Variants in BNC2 observed in about 807,000 individuals in gnomAD.
BNC2 encodes the protein basonuclin zinc finger protein 2, also known as zinc finger protein basonuclin-2.
In BNC2, 20 loss-of-function variants were observed where a neutral mutation model predicts 76.3. The ratio of observed to expected loss-of-function variants is 0.26; its 90% CI spans 0.18 to 0.38. The LOEUF (loss-of-function observed/expected upper bound fraction) is 0.38. Ranked by LOEUF, BNC2 falls within the 10% of genes least tolerant of loss-of-function variation. The pLI is 1.00. For synonymous variants in BNC2, 582 were observed against 514.8 expected (o/e 1.13, Z -1.77); for missense variants, 1,382 against 1,399.8 (o/e 0.99, Z 0.20).
chr9:16,713,363 A>C (rs1237479455), intron 3 of BNC2, among the ~76,000 whole-genome samples: 3 of 152,166 alleles, frequency 2.0e-5, no homozygotes, highest in Non-Finnish European at 2.9e-5. Context: ...AGGGGGCAGA[A>C]ACAACGGGTA....
At chr9:16,452,938 C>A (rs1587044383) in intron 5 of BNC2, among the ~76,000 whole-genome samples, 1 of 152,062 alleles carries the variant, frequency 6.6e-6, no homozygotes, top group East Asian at 1.9e-4. Flanking sequence ...ATCAGTTGCT[C>A]AAAAAGAACT....
chr9:16,596,496 T>C (rs900086646), intron 3 of BNC2, among the ~76,000 whole-genome samples: 1 of 152,184 alleles, frequency 6.6e-6, no homozygotes, highest in Non-Finnish European at 1.5e-5. Context: ...ATTCGTATTT[T>C]ATTTTTACCT....
At chr9:16,736,896 T>A (rs1329414195) in intron 2 of BNC2, among the ~76,000 whole-genome samples, 1 of 151,966 alleles carries the variant, frequency 6.6e-6, no homozygotes, top group Non-Finnish European at 1.5e-5. Flanking sequence ...AATCTCCGCC[T>A]CCCAGATTCA....
intron 3 of BNC2, among the ~76,000 whole-genome samples, chr9:16,618,104 A>T (rs1390868079): frequency 6.6e-6 from 1 of 152,186 alleles, no homozygotes; most frequent in Non-Finnish European, 1.5e-5. Context: ...TAACAATGCC[A>T]TCAATAATCC....
chr9:16,639,397 T>C (rs1019647425), intron 3 of BNC2, among the ~76,000 whole-genome samples: 3 of 152,232 alleles, frequency 2.0e-5, no homozygotes, highest in Non-Finnish European at 4.4e-5. Context: ...TTTGTTTCTG[T>C]AGACATAGGT....
chr9:16,563,210 T>TA (rs35790717), intron 4 of BNC2, among the ~76,000 whole-genome samples: 69 of 151,710 alleles, frequency 4.5e-4, no homozygotes, highest in Non-Finnish European at 8.0e-4. Context: ...AGCATTTTGT[T>TA]AAAAAAAAAT....
intron 4 of BNC2, among the ~76,000 whole-genome samples, chr9:16,554,579 C>G (rs376554880): frequency 1.3e-5 from 2 of 152,286 alleles, no homozygotes; most frequent in East Asian, 1.9e-4. Flanking sequence ...AAGGGCTTCA[C>G]AAGCCTAGGG....
intron 1 of BNC2, among the ~76,000 whole-genome samples, chr9:16,740,332 A>G (rs1824804314): frequency 6.6e-6 from 1 of 152,230 alleles, no homozygotes; most frequent in Admixed American, 6.5e-5. Context: ...AAAGGCAGAT[A>G]GGGAGATTGA....
intron 5 of BNC2, chr9:16,475,950 CTAATT>C (rs1018882594): frequency 9.9e-5 from 15 of 152,178 alleles, no homozygotes; most frequent in Non-Finnish European, 2.1e-4. Context: ...ACACATGCTC[CTAATT>C]TAATTTAATC....
intron 1 of BNC2, among the ~76,000 whole-genome samples, chr9:16,771,230 C>A (rs1825823788): frequency 6.6e-6 from 1 of 152,162 alleles, no homozygotes; most frequent in African/African-American, 2.4e-5. Flanking sequence ...TATCTGTCCT[C>A]AGGACAAGAG....
intron 2 of BNC2, among the ~76,000 whole-genome samples, chr9:16,735,685 AG>A (rs1306937056): frequency 6.6e-6 from 1 of 151,606 alleles, no homozygotes; most frequent in African/African-American, 2.4e-5. Context: ...TTTGGTAGAG[AG>A]GGGGTTTCAC....
intron 4 of BNC2, among the ~76,000 whole-genome samples, chr9:16,553,202 A>G (rs576671447): frequency 3.3e-5 from 5 of 152,322 alleles, no homozygotes; most frequent in African/African-American, 1.2e-4. Context: ...CTCAGTGAAT[A>G]TCACTTTTCT....
intron 1 of BNC2, among the ~76,000 whole-genome samples, chr9:16,745,695 T>C (rs1006022870): frequency 7.2e-5 from 11 of 152,326 alleles, no homozygotes; most frequent in Admixed American, 2.0e-4. Flanking sequence ...TGTTTTCTAT[T>C]ATGCCTGTCT....
At chr9:16,614,774 C>G (rs967244308) in intron 3 of BNC2, among the ~76,000 whole-genome samples, 5 of 151,744 alleles carry the variant, frequency 3.3e-5, no homozygotes, top group African/African-American at 9.7e-5. Flanking sequence ...CAGGGAAGCC[C>G]TGTCTCTACA....
intron 4 of BNC2, among the ~76,000 whole-genome samples, chr9:16,560,768 T>C (rs1231670984): frequency 6.6e-6 from 1 of 152,206 alleles, no homozygotes; most frequent in Non-Finnish European, 1.5e-5. Flanking sequence ...TTTTTAGTTT[T>C]AGATGTAAAA....
At chr9:16,785,048 A>T (rs1054137292) in intron 1 of BNC2, among the ~76,000 whole-genome samples, 15 of 152,362 alleles carry the variant, frequency 9.8e-5, no homozygotes, top group African/African-American at 3.6e-4. Context: ...CTTATGCTAC[A>T]AAGCATTTTA....
chr9:16,689,983 C>T (rs536269511), intron 3 of BNC2, among the ~76,000 whole-genome samples: 3 of 152,292 alleles, frequency 2.0e-5, no homozygotes, highest in Admixed American at 6.5e-5. Context: ...TAAATGAATA[C>T]AAAAGCAGAA....
intron 4 of BNC2, among the ~76,000 whole-genome samples, chr9:16,554,588 G>A (rs1818764554): frequency 6.6e-6 from 1 of 152,088 alleles, no homozygotes; most frequent in African/African-American, 2.4e-5. Context: ...ACAAGCCTAG[G>A]GATTGAAGTT....
At chr9:16,779,605 G>A (rs1826066977) in intron 1 of BNC2, among the ~76,000 whole-genome samples, 1 of 152,118 alleles carries the variant, frequency 6.6e-6, no homozygotes, top group Non-Finnish European at 1.5e-5. Flanking sequence ...TTGACCAACT[G>A]ATGGATAAAT....
Sources: allele counts gnomAD v4.1 joint callset (sites outside exome capture counted in the v4.1 genomes callset), GRCh38; gene constraint gnomAD v4.1.1; transcripts MANE v1.5; gene names NCBI Gene and HGNC (gene_info 2026-07-23, HGNC 2026-07-21).